Variants in MED16 observed in about 807,000 individuals in gnomAD.
The protein encoded by MED16 is mediator complex subunit 16.
In MED16, 81 loss-of-function variants were observed where a neutral mutation model predicts 84.4. That is an observed-to-expected ratio of 0.96 (90% confidence interval 0.80 to 1.15). The LOEUF is 1.15. Among genes scored for constraint, MED16 ranks in the 50% most tolerant of loss-of-function variants. The probability of loss-of-function intolerance (pLI) is 0.00; values close to 1 mark genes in which losing one functional copy is unlikely to be tolerated. For missense variants in MED16, 1,585 were observed against 1,245.9 expected, an observed-to-expected ratio of 1.27 and a Z score of -4.10; for synonymous variants, 897 against 552.2, an observed-to-expected ratio of 1.62 and a Z score of -8.76.
chr19:874,076 C>A (rs924236947), intron 10 of MED16, among the ~76,000 whole-genome samples: 6 of 152,154 alleles, frequency 3.9e-5, no homozygotes, highest in Non-Finnish European at 7.3e-5. Context: ...AGGAGTGCCA[C>A]GTGTCCACAC....
intron 8 of MED16, among the ~76,000 whole-genome samples, chr19:879,343 A>G (rs1218637065): frequency 2.4e-3 from 332 of 136,710 alleles, no homozygotes; most frequent in Middle Eastern, 0.011. Flanking sequence ...CCAGCAGCTC[A>G]CCTTCCCCTG....
At chr19:880,587 G>A (rs2036399982) in intron 7 of MED16, among the ~76,000 whole-genome samples, 1 of 152,200 alleles carries the variant, frequency 6.6e-6, no homozygotes. Flanking sequence ...AGAGCCCAAA[G>A]CTCATGGAAA....
chr19:877,576 C>CAGGGGCTGGCGAGGGGCTGGCA (rs112530485), intron 8 of MED16, among the ~76,000 whole-genome samples: 1 of 150,100 alleles, frequency 6.7e-6, no homozygotes, highest in African/African-American at 2.5e-5. Flanking sequence ...GCAGCGCAGG[C>CAGGGGCTGGCGAGGGGCTGGCA]AGGGGCTGGC....
At position 884,885 on chromosome 19, in the gene MED16, A is replaced by G; in HGVS notation, c.985+18T>C. The G allele has an allele frequency of 1.9e-6, 3 of 1,588,970 alleles. No homozygotes were observed. Among genetic ancestry groups the G allele is most frequent in the Non-Finnish European group, 2.6e-6 (3 of 1,168,614 alleles). On this transcript the variant is annotated intron_variant, in intron 6 of 15. Coordinates refer to ENST00000325464, the MANE Select transcript of MED16 (RefSeq NM_005481.3). ...CCGAGGGCAGGCCCAGGGCCTCCGC[A>G]GCCGGCGGGAGACTCACCCACGGGG...
intron 5 of MED16, 35 bp from the exon 6 acceptor site, chr19:885,043 AC>A (rs2036498292): frequency 6.6e-7 from 1 of 1,520,518 alleles, no homozygotes; most frequent in African/African-American, 1.4e-5. Context: ...CTGACCCGGC[AC>A]TGCTGTGGTG....
At chr19:878,773 C>A (rs372929744) in intron 8 of MED16, among the ~76,000 whole-genome samples, 1 of 77,652 alleles carries the variant, frequency 1.3e-5, no homozygotes, top group Non-Finnish European at 2.9e-5. Flanking sequence ...TCCCCTTCCC[C>A]TGGTTGTCAA....
rs766491748 is a variant in MED16, at chr19:868,374, CA to C, written c.2483+41del. The C allele has an allele frequency of 5.0e-6, 8 of 1,592,276 alleles. No homozygotes were observed. The African/African-American group carries it at 1.1e-4, about 22-fold the overall frequency. On this transcript the variant is annotated intron_variant, in intron 15 of 15. Coordinates refer to ENST00000325464, the MANE Select transcript of MED16 (RefSeq NM_005481.3). ...GGAGTAGCTGAGGGGCAGCTGGGCT[CA>C]GGGGTAGCTGAGGGGCACCCGCCAC...
At chr19:876,755 C>T (rs2036241017) in intron 9 of MED16, among the ~76,000 whole-genome samples, 1 of 152,136 alleles carries the variant, frequency 6.6e-6, no homozygotes, top group African/African-American at 2.4e-5. Flanking sequence ...ACCTCTACAA[C>T]TGCTGCAGAG....
At chr19:877,304 GC>G in intron 8 of MED16, 124 bp from the exon 9 acceptor site, 1 of 807,934 alleles carries the variant, frequency 1.2e-6, no homozygotes, top group South Asian at 1.7e-5. Flanking sequence ...CCGTGTGTGG[GC>G]CTGTGTGCGC....
Position 869,068 on chromosome 19 carries a change from G to A in MED16, c.2316-122C>T, listed in dbSNP as rs553108663. ...CGGCCTCACACCATCTGCCAGGTGGGCCCAGATGTCTGTGAACAGTGAGGT... is the reference window on the plus strand; with the variant it reads ...CGGCCTCACACCATCTGCCAGGTGGACCCAGATGTCTGTGAACAGTGAGGT... On this transcript the variant is annotated intron_variant, in intron 13 of 15. Coordinates refer to ENST00000325464, the MANE Select transcript of MED16 (RefSeq NM_005481.3). 1.9e-5 allele frequency: 16 copies of A among 849,622 alleles called. No individual in the cohort carries two copies. The East Asian group carries it at 2.6e-4, about 14-fold the overall frequency. 52.6% of individuals were successfully genotyped at this position (849,622 alleles called of 1,614,324 possible).
At chr19:892,069 G>C (rs541675290) in intron 1 of MED16, among the ~76,000 whole-genome samples, 1 of 152,150 alleles carries the variant, frequency 6.6e-6, no homozygotes, top group African/African-American at 2.4e-5. Context: ...CCGAGGCGGG[G>C]GCTGAGTGTC....
In MED16 at chr19:877,201, G is replaced by A. The variant is rs775640440; in HGVS notation, c.1354-21C>T. 9 of 1,593,686 alleles carry A rather than the reference G, an allele frequency of 5.6e-6. No homozygotes were observed. In the African/African-American group the frequency reaches 8.0e-5, roughly 14 times the overall value. On this transcript the variant is annotated intron_variant, in intron 8 of 15. Transcript: ENST00000325464. ...CTCAGCTGCCAGAGACAGAGCCCAA[G>A]GAGAGCCCGGTGAGATGGGGCTGCG...
In MED16 at chr19:881,844, C is replaced by G; in HGVS notation, c.986-130G>C. ...TCCCAGGTCTCATGCCGCCCTGCTC[C>G]CATGCCCAGAAGACCAGGCCCGGCC... On this transcript the variant is annotated intron_variant, in intron 6 of 15. Transcript: ENST00000325464. 4 of 1,135,998 alleles carry G rather than the reference C, an allele frequency of 3.5e-6. No individual in the cohort carries two copies. The East Asian group carries it at 9.9e-5, about 28-fold the overall frequency. 70.4% of individuals were successfully genotyped at this position (1,135,998 alleles called of 1,614,324 possible).
Position 885,665 on chromosome 19 carries a change from C to T in MED16, c.879+105G>A, listed in dbSNP as rs372210642. 4.9e-4 allele frequency: 665 copies of T among 1,347,542 alleles called. 6 individuals carry two copies. In the South Asian group the frequency reaches 6.8e-3, roughly 14 times the overall value. The allele number at this position is 1,347,542 out of a possible 1,614,324, so 83.5% of individuals were successfully genotyped here. A position where few individuals can be genotyped will look rare whatever the true frequency, so the allele number is the denominator to read the frequency against. ...GGAGGGACCGGCCCTGCCCACACCA[C>T]GGTTTAGCCCGTGGAGGCCCGCGCG... On this transcript the variant is annotated intron_variant, in intron 5 of 15. Transcript: ENST00000325464.
chr19:872,501 G>A lies in MED16; in HGVS notation c.1906-383C>T, dbSNP rs549464856. On this transcript the variant is annotated intron_variant, in intron 11 of 15. Transcript: ENST00000325464. ...CCAGGGAAGGGAGGCCCCAGGGGTG[G>A]CCCCTGGCAGCCTAAAGCCCCACAA... 9.3e-4 allele frequency among the ~76,000 whole-genome samples: 142 copies of A among 152,178 alleles called. No homozygotes were observed. The South Asian group carries it at 0.014, about 15-fold the overall frequency.
In MED16 at chr19:879,330, G is replaced by A. The variant is rs967617268; in HGVS notation, c.1353+607C>T. On this transcript the variant is annotated intron_variant, in intron 8 of 15. Transcript: ENST00000325464. ...ATGCCCACCAAGCCCAGCCCCACGT[G>A]CCCCAGCAGCTCACCTTCCCCTGGT... 2.6e-5 allele frequency among the ~76,000 whole-genome samples: 4 copies of A among 151,570 alleles called. No homozygotes were observed. The East Asian group carries it at 5.9e-4, about 22-fold the overall frequency.
chr19:880,189 G>C (rs764174508), intron 7 of MED16, 41 bp from the exon 8 acceptor site: 4 of 1,543,562 alleles, frequency 2.6e-6, no homozygotes, highest in Non-Finnish European at 3.5e-6. Context: ...GCAGGGCCCA[G>C]GACACGCCCG....
At chr19:890,651 A>G (rs993739478) in intron 2 of MED16, among the ~76,000 whole-genome samples, 4 of 152,094 alleles carry the variant, frequency 2.6e-5, no homozygotes, top group Admixed American at 2.6e-4. Context: ...CCTTTCAAAA[A>G]CCAGTGACAC....
Position 868,518 on chromosome 19 carries a change from T to G in MED16, c.2400-19A>C, listed in dbSNP as rs931539168. The G allele has an allele frequency of 1.2e-6, 2 of 1,607,188 alleles. No homozygotes were observed. The highest frequency in any genetic ancestry group is 1.7e-6 in the Non-Finnish European group (2 of 1,179,552). On this transcript the variant is annotated intron_variant, in intron 14 of 15. Coordinates refer to ENST00000325464, the MANE Select transcript of MED16 (RefSeq NM_005481.3). ...GCCGCACCTGCGGGGAGGCAGGCAC[T>G]GAGCGGGTTCCCACTTCCAGGCGGG...
Sources: allele counts gnomAD v4.1 joint callset (sites outside exome capture counted in the v4.1 genomes callset), GRCh38; gene constraint gnomAD v4.1.1; transcripts MANE v1.5; gene names NCBI Gene and HGNC (gene_info 2026-07-23, HGNC 2026-07-21).